The following ANKRD28 variants were observed in gnomAD, a reference collection of about 807,000 sequenced individuals.
ANKRD28 encodes the protein ankyrin repeat domain 28, also known as serine/threonine-protein phosphatase 6 regulatory ankyrin repeat subunit A.
A neutral mutation model predicts 126.5 loss-of-function variants in ANKRD28; 44 were observed. The observed-to-expected ratio is 0.35, with a 90% CI of 0.27 to 0.45. The LOEUF is 0.45. ANKRD28 is among the 20% of genes least tolerant of loss of function. ANKRD28 has a pLI of 1.00. For missense variants in ANKRD28, 1,110 were observed against 1,316.6 expected, an observed-to-expected ratio of 0.84 and a Z score of 2.43; for synonymous variants, 442 against 468.5, an observed-to-expected ratio of 0.94 and a Z score of 0.73.
intron 2 of ANKRD28, among the ~76,000 whole-genome samples, chr3:15,792,657 A>T (rs779394338): frequency 1.3e-5 from 2 of 152,194 alleles, no homozygotes; most frequent in African/African-American, 2.4e-5. Flanking sequence ...CAATAGGGTG[A>T]CTATAGTCAA....
chr3:15,687,303 TGTTA>T (rs904288383), intron 18 of ANKRD28, among the ~76,000 whole-genome samples: 1 of 152,124 alleles, frequency 6.6e-6, no homozygotes, highest in Non-Finnish European at 1.5e-5. Flanking sequence ...TAGGGTACTC[TGTTA>T]TTTATGGCTG....
chr3:15,746,574 TG>T (rs1352822115), intron 4 of ANKRD28, among the ~76,000 whole-genome samples: 1 of 152,220 alleles, frequency 6.6e-6, no homozygotes, highest in Admixed American at 6.5e-5. Context: ...CACCTGATCA[TG>T]GTGGATTATC....
At position 15,853,090 on chromosome 3, in the gene ANKRD28, T is replaced by C. The variant is rs2061686999; in HGVS notation, c.27+6287A>G. On this transcript the variant is annotated intron_variant, in intron 1 of 27. Transcript: ENST00000399451. This position sits in a 1 kb window ranked among gnomAD's most constrained non-coding sequence, Gnocchi z 4.2. ...AATTAAACCTAAAATATTTGAAAAT[T>C]AAACCACTTCAACTTTACATTGTAT... is the stretch of plus-strand genomic sequence containing the variant. 6.6e-6 allele frequency among the ~76,000 whole-genome samples: 1 copy of C among 152,134 alleles called. No individual in the cohort carries two copies. Among genetic ancestry groups the C allele is most frequent in the African/African-American group, 2.4e-5 (1 of 41,414 alleles).
chr3:15,802,504 T>C (rs534413098), upstream of ANKRD28, among the ~76,000 whole-genome samples: 2 of 152,328 alleles, frequency 1.3e-5, no homozygotes, highest in East Asian at 3.9e-4. Context: ...TGAGTGGACA[T>C]ATATCCTTCG....
chr3:15,832,678 C>T (rs2061231601), intron 1 of ANKRD28, among the ~76,000 whole-genome samples: 1 of 152,172 alleles, frequency 6.6e-6, no homozygotes, highest in African/African-American at 2.4e-5. Context: ...CCTTGTTTAG[C>T]TCCCATTTAG....
At chr3:15,784,792 T>C (rs879414490) in intron 2 of ANKRD28, among the ~76,000 whole-genome samples, 9 of 151,996 alleles carry the variant, frequency 5.9e-5, no homozygotes, top group Non-Finnish European at 1.0e-4. Flanking sequence ...ATGCAAATAG[T>C]AGGCTAAAAG....
rs76677204 is a variant in ANKRD28 at position 15,838,763 on chromosome 3, A to G, written c.27+20614T>C. On this transcript the variant is annotated intron_variant, in intron 1 of 27. Coordinates refer to the ANKRD28 transcript ENST00000399451. This position sits in a 1 kb window ranked among gnomAD's most constrained non-coding sequence, Gnocchi z 4.0. ...AACTCCGTCTCAAAAAAAAAAAAAA[A>G]TCTTCGCAAGAGAAGTTAAAACGTG... Among the ~76,000 whole-genome samples the G allele has an allele frequency of 1.3e-5, 2 of 149,320 alleles. No individual in the cohort carries two copies. The highest frequency in any genetic ancestry group is 3.0e-5 in the Non-Finnish European group (2 of 66,784).
At chr3:15,785,004 T>C (rs1398069442) in intron 2 of ANKRD28, among the ~76,000 whole-genome samples, 2 of 152,082 alleles carry the variant, frequency 1.3e-5, no homozygotes, top group Non-Finnish European at 2.9e-5. Flanking sequence ...TAAATTGCAA[T>C]TAATTTTGGT....
chr3:15,791,005 G>C (rs2059999129), intron 2 of ANKRD28, among the ~76,000 whole-genome samples: 1 of 151,836 alleles, frequency 6.6e-6, no homozygotes, highest in Non-Finnish European at 1.5e-5. Context: ...ATGTGAAAAA[G>C]AAACTAAAAA....
chr3:15,764,607 TC>T (rs1256618098), intron 3 of ANKRD28, among the ~76,000 whole-genome samples: 4 of 151,592 alleles, frequency 2.6e-5, no homozygotes, highest in Non-Finnish European at 5.9e-5. Context: ...ACAAAAATAA[TC>T]AGAATTCTGT....
intron 6 of ANKRD28, among the ~76,000 whole-genome samples, chr3:15,727,097 T>C (rs1191871275): frequency 6.6e-6 from 1 of 152,246 alleles, no homozygotes; most frequent in Non-Finnish European, 1.5e-5. Context: ...ACAAGGAGAT[T>C]ACTGTTGTTT....
At chr3:15,742,254 G>A (rs1367380569) in intron 4 of ANKRD28, among the ~76,000 whole-genome samples, 20 of 150,976 alleles carry the variant, frequency 1.3e-4, no homozygotes, top group Non-Finnish European at 3.0e-4. Context: ...AAAGTGAGGA[G>A]CGTCTCTGCC....
Position 15,816,314 on chromosome 3 carries a change from T to C in ANKRD28, c.28-21008A>G, listed in dbSNP as rs1264473940. ...AATTGTTTGTTAATAACTATTTATA[T>C]GCTAAATGCACGGAATATAGCAGTA... On this transcript the variant is annotated intron_variant, in intron 1 of 27. Transcript: ENST00000399451. The surrounding 1 kb of genome is among the most constrained non-coding windows in gnomAD (Gnocchi z 5.0). Among the ~76,000 whole-genome samples the C allele has an allele frequency of 6.6e-6, 1 of 152,210 alleles. No homozygotes were observed. Among genetic ancestry groups the C allele is most frequent in the Non-Finnish European group, 1.5e-5 (1 of 68,036 alleles).
intron 15 of ANKRD28, among the ~76,000 whole-genome samples, chr3:15,695,804 G>T (rs538731968): frequency 3.9e-5 from 6 of 151,912 alleles, no homozygotes; most frequent in African/African-American, 1.2e-4. Flanking sequence ...CCTTTCACAG[G>T]GACTTTTATT....
chr3:15,829,128 G>T (rs1300878474), intron 1 of ANKRD28, among the ~76,000 whole-genome samples: 1 of 152,126 alleles, frequency 6.6e-6, no homozygotes, highest in Non-Finnish European at 1.5e-5. Context: ...TTCTACTGAT[G>T]TCTACTGTAT....
rs1197088140 is a variant in ANKRD28 at position 15,796,648 on chromosome 3, T to TTA, written c.-128_-127insTA. ...TCTCTGAACAGCACAGCTGGGTTTT[T>TTA]TTTTTTTTTAAAGTTAATAAGTACT... On this transcript the variant is annotated 5_prime_UTR_variant, in exon 1 of 28. Transcript: ENST00000683139. The TTA allele has an allele frequency of 2.0e-6, 2 of 999,474 alleles. No individual in the cohort carries two copies. The highest frequency in any genetic ancestry group is 5.9e-5 in the Admixed American group (1 of 17,058). 61.9% of individuals were successfully genotyped at this position (999,474 alleles called of 1,614,324 possible).
intron 1 of ANKRD28, among the ~76,000 whole-genome samples, chr3:15,842,651 T>C (rs1469672164): frequency 6.6e-6 from 1 of 152,142 alleles, no homozygotes; most frequent in East Asian, 1.9e-4. Context: ...CCAGATGTGG[T>C]TAGTATATGC....
intron 18 of ANKRD28, among the ~76,000 whole-genome samples, chr3:15,686,710 C>A (rs1265021935): frequency 2.0e-5 from 3 of 152,214 alleles, no homozygotes; most frequent in Admixed American, 6.5e-5. Context: ...AGGTGAGCAG[C>A]ACAGGAACCA....
At chr3:15,705,422 C>A (rs2071222823) in intron 14 of ANKRD28, among the ~76,000 whole-genome samples, 1 of 152,130 alleles carries the variant, frequency 6.6e-6, no homozygotes, top group South Asian at 2.1e-4. Context: ...GGGAGACAAT[C>A]TCTCAGCGGA....
Sources: allele counts gnomAD v4.1 joint callset (sites outside exome capture counted in the v4.1 genomes callset), GRCh38; gene constraint gnomAD v4.1.1; non-coding constraint Gnocchi (gnomAD v3.1); transcripts MANE v1.5; gene names NCBI Gene and HGNC (gene_info 2026-07-23, HGNC 2026-07-21).